Variants in ADAT1 observed in about 807,000 individuals in gnomAD.
ADAT1 encodes tRNA-specific adenosine deaminase 1.
ADAT1 carries 58 observed loss-of-function variants against 58.6 expected under a neutral mutation model. The observed-to-expected ratio is 0.99, with a 90% CI of 0.80 to 1.23. ADAT1 has a LOEUF of 1.23. ADAT1 is among the 50% of genes most tolerant of loss of function. ADAT1 has a pLI of 0.00. For missense variants in ADAT1, 741 were observed against 608.6 expected (o/e 1.22, Z -2.29); for synonymous variants, 254 against 220.8 (o/e 1.15, Z -1.33).
chr16:75,612,877 C>A lies in ADAT1; in HGVS notation c.425-16G>T, dbSNP rs1462434440. ...GCATCCCCACCTGCAGAGAATGAAC[C>A]CACTTAAACAAATGGTTCTCAAGTG... On this transcript the variant is annotated splice_polypyrimidine_tract_variant and intron_variant, in intron 5 of 9. Transcript: ENST00000564657. 3.1e-6 allele frequency: 5 copies of A among 1,605,626 alleles called. No individual in the cohort carries two copies. Among genetic ancestry groups the A allele is most frequent in the Admixed American group, 1.7e-5 (1 of 58,614 alleles).
chr16:75,607,920 G>A (rs2081415528), intron 8 of ADAT1, among the ~76,000 whole-genome samples: 2 of 152,196 alleles, frequency 1.3e-5, no homozygotes, highest in South Asian at 4.1e-4. Flanking sequence ...TAGTAATGAA[G>A]TACTGATACA....
At chr16:75,619,701 A>G (rs1050947976) in intron 3 of ADAT1, 6 of 440,856 alleles carry the variant, frequency 1.4e-5, no homozygotes, top group Admixed American at 1.3e-4. Context: ...ACCTGAGGTC[A>G]GGAGTTCAAG....
chr16:75,612,751 C>T lies in ADAT1; in HGVS notation c.535G>A (p.Ala179Thr). ...SSVEASSNLE[A>T]PGNERKCEDP... ...TCACATTTTCTTTCATTTCCAGGAG[C>T]TTCCAGGTTACTACTGGCTTCTACT... Residue 179 changes from alanine (A) to threonine (T), a missense_variant, in exon 6 of 10, where the codon GCT (alanine) becomes ACT (threonine). Ala to Thr is a moderately conservative substitution (Grantham distance 58). Transcript: ENST00000564657. The T allele has an allele frequency of 1.2e-6, 2 of 1,614,102 alleles. No homozygotes were observed. The highest frequency in any genetic ancestry group is 1.7e-6 in the Non-Finnish European group (2 of 1,180,028).
At chr16:75,615,146 G>C (rs531502058) in intron 5 of ADAT1, among the ~76,000 whole-genome samples, 2 of 151,368 alleles carry the variant, frequency 1.3e-5, no homozygotes, top group African/African-American at 4.9e-5. Flanking sequence ...AGAATCGCCT[G>C]GACCCGGGAG....
chr16:75,605,481 GTTAA>G (rs2081344559), intron 8 of ADAT1, among the ~76,000 whole-genome samples: 1 of 151,968 alleles, frequency 6.6e-6, no homozygotes, highest in Non-Finnish European at 1.5e-5. Context: ...CATAATACGT[GTTAA>G]TTGTTTATGT....
rs1270101336 is a variant in ADAT1, at chr16:75,599,676, A to C, written c.*540T>G. The C allele has an allele frequency of 2.0e-6, 2 of 986,950 alleles. No individual in the cohort carries two copies. The highest frequency in any genetic ancestry group is 2.4e-6 in the Non-Finnish European group (2 of 830,842). The allele number at this position is 986,950 out of a possible 1,614,324, so 61.1% of individuals were successfully genotyped here. A position where few individuals can be genotyped will look rare whatever the true frequency, so the allele number is the denominator to read the frequency against. On this transcript the variant is annotated 3_prime_UTR_variant, in exon 10 of 10. Coordinates refer to ENST00000564657, the MANE Select transcript of ADAT1 (RefSeq NM_001324445.2). ...TCTGAGAACAAGTCCAGGGCAGTCC[A>C]GGGCTGGCTCACAGGCTATTCCTAG...
At position 75,620,817 on chromosome 16, in the gene ADAT1, A is replaced by T; in HGVS notation, c.-18T>A. ...GTCCACATGGTCTGAGCTGGTATTG[A>T]GACCTTGATCAAAAACCACAACCAT... On this transcript the variant is annotated 5_prime_UTR_variant, in exon 2 of 10. Transcript: ENST00000564657. 1.3e-6 allele frequency: 2 copies of T among 1,597,808 alleles called. No homozygotes were observed. Among genetic ancestry groups the T allele is most frequent in the Non-Finnish European group, 1.7e-6 (2 of 1,167,836 alleles).
intron 8 of ADAT1, 60 bp from the exon 9 acceptor site, chr16:75,603,231 A>G: frequency 1.4e-6 from 2 of 1,429,580 alleles, no homozygotes; most frequent in South Asian, 1.2e-5. Flanking sequence ...CTAAGCCCCT[A>G]TCAAAGATGC....
chr16:75,612,410 G>C lies in ADAT1; in HGVS notation c.876C>G (p.Asp292Glu). 1 of 1,614,214 alleles carries C rather than the reference G, an allele frequency of 6.2e-7. No homozygotes were observed. The highest frequency in any genetic ancestry group is 1.1e-5 in the South Asian group (1 of 91,086). Reference sequence around the variant, plus strand: ...CACTACAGGACATGGAGCGTGTTCTGTCTCCACGGCCTGGCTTCACTCGGA... The same window carrying C: ...CACTACAGGACATGGAGCGTGTTCTCTCTCCACGGCCTGGCTTCACTCGGA... The part of the protein sequence containing the change: ...GLLRVKPGRG[D>E]RTRSMSCSDK... The change falls in exon 6 of 10, where the codon GAC becomes GAG. Residue 292 changes from aspartate (D) to glutamate (E), a missense_variant. Physicochemically the swap from Asp to Glu is conservative, Grantham distance 45 (BLOSUM62 2). Transcript: ENST00000564657.
At chr16:75,619,484 CTA>C (rs1184199373) in intron 3 of ADAT1, 1 of 399,296 alleles carries the variant, frequency 2.5e-6, no homozygotes, top group East Asian at 7.1e-5. Context: ...CTGCAGTGAG[CTA>C]TGATAGTACC....
chr16:75,612,907 C>T (rs754320136), intron 5 of ADAT1, 46 bp from the exon 6 acceptor site: 1 of 1,570,518 alleles, frequency 6.4e-7, no homozygotes, highest in African/African-American at 1.4e-5. Flanking sequence ...CAAGTGAGGT[C>T]CCTGGACCAG....
rs1263900025 is a variant in ADAT1, at chr16:75,623,188, G to A, written c.-807C>T. ...AAAACAGACTCGGCAAAGTTAGCCC[G>A]GATAAACCTGCCCCGTCGCCCCAGC... On this transcript the variant is annotated 5_prime_UTR_variant, in exon 1 of 10. Transcript: ENST00000564657. 6.6e-6 allele frequency: 1 copy of A among 151,978 alleles called. No homozygotes were observed. Among genetic ancestry groups the A allele is most frequent in the Non-Finnish European group, 1.5e-5 (1 of 68,102 alleles). The allele number at this position is 151,978 out of a possible 1,614,324, so 9.4% of individuals were successfully genotyped here.
At position 75,620,706 on chromosome 16, in the gene ADAT1, T is replaced by C. The variant is rs919339335; in HGVS notation, c.94A>G (p.Thr32Ala). Residue 32 changes from threonine to alanine, a missense_variant, in exon 2 of 10, where the codon ACA becomes GCA. By Grantham distance (58) the Thr-to-Ala change is moderately conservative. Transcript: ENST00000564657. The part of the protein sequence containing the change: ...KGKPEPNHEW[T>A]LLAAVVKIQS... ...ATCTTCACCACCGCTGCCAATAATG[T>C]CCACTCATGGTTTGGCTCAGGCTTC... 6 of 1,614,054 alleles carry C rather than the reference T, an allele frequency of 3.7e-6. No individual in the cohort carries two copies. Among genetic ancestry groups the C allele is most frequent in the Non-Finnish European group, 5.1e-6 (6 of 1,180,040 alleles).
chr16:75,612,402 C>G lies in ADAT1; in HGVS notation c.884G>C (p.Arg295Pro), dbSNP rs780177665. The G allele has an allele frequency of 1.2e-6, 2 of 1,614,250 alleles. No homozygotes were observed. Among genetic ancestry groups the G allele is most frequent in the African/African-American group, 2.7e-5 (2 of 75,072 alleles). The change falls in exon 6 of 10, where the codon CGC (arginine) becomes CCC (proline). Residue 295 changes from arginine (R) to proline (P), a missense_variant. By Grantham distance (103) the Arg-to-Pro change is moderately radical. Coordinates refer to ENST00000564657, the MANE Select transcript of ADAT1 (RefSeq NM_001324445.2). ...CATCTTGTCACTACAGGACATGGAG[C>G]GTGTTCTGTCTCCACGGCCTGGCTT... Reference protein sequence around the residue: ...RVKPGRGDRTRSMSCSDKMAR... With the variant: ...RVKPGRGDRTPSMSCSDKMAR...
At chr16:75,605,937 CAAAAAAA>C (rs972557653) in intron 8 of ADAT1, among the ~76,000 whole-genome samples, 2 of 75,058 alleles carry the variant, frequency 2.7e-5, no homozygotes, top group Non-Finnish European at 5.1e-5. Flanking sequence ...AACTCTGTCT[CAAAAAAA>C]AAAAAAAAAA....
At chr16:75,601,906 C>T (rs897369554) in intron 9 of ADAT1, 1 of 152,064 alleles carries the variant, frequency 6.6e-6, no homozygotes, top group African/African-American at 2.4e-5. Context: ...CCTTAGTTTC[C>T]CCACTGTCAT....
At chr16:75,617,961 GT>G (rs2081789975) in intron 4 of ADAT1, among the ~76,000 whole-genome samples, 1 of 150,948 alleles carries the variant, frequency 6.6e-6, no homozygotes, top group Non-Finnish European at 1.5e-5. Context: ...GCTGGGTGTG[GT>G]GGCATGCGCC....
chr16:75,602,238 A>T (rs893195311), intron 9 of ADAT1, among the ~76,000 whole-genome samples: 2 of 152,228 alleles, frequency 1.3e-5, no homozygotes, highest in African/African-American at 4.8e-5. Flanking sequence ...TGAAACTCCA[A>T]CAAAAACTTT....
intron 9 of ADAT1, among the ~76,000 whole-genome samples, chr16:75,601,053 T>G (rs2081216431): frequency 6.6e-6 from 1 of 152,102 alleles, no homozygotes; most frequent in African/African-American, 2.4e-5. Context: ...GTTTAAAAGT[T>G]TTCTAGGCCA....
Sources: allele counts gnomAD v4.1 joint callset (sites outside exome capture counted in the v4.1 genomes callset), GRCh38; gene constraint gnomAD v4.1.1; transcripts MANE v1.5; gene names NCBI Gene and HGNC (gene_info 2026-07-23, HGNC 2026-07-21).